Variants in LRRC28 observed in about 807,000 individuals in gnomAD.
LRRC28 encodes leucine-rich repeat-containing protein 28.
A neutral mutation model predicts 45.7 loss-of-function variants in LRRC28; 39 were observed. That is an observed-to-expected ratio of 0.85 (90% CI 0.66 to 1.12). LRRC28 has a LOEUF of 1.12. Among genes scored for constraint, LRRC28 ranks in the 50% most tolerant of loss-of-function variants. The probability of loss-of-function intolerance (pLI) is 0.00; values close to 1 mark genes in which losing one functional copy is unlikely to be tolerated. For synonymous variants in LRRC28, 206 were observed against 178.8 expected (o/e 1.15, Z -1.22); for missense variants, 435 against 438.5 (o/e 0.99, Z 0.07).
chr15:99,269,782 C>G (rs995226239), intron 2 of LRRC28, among the ~76,000 whole-genome samples: 3 of 152,160 alleles, frequency 2.0e-5, no homozygotes, highest in African/African-American at 7.2e-5. Flanking sequence ...GCTTCATAGC[C>G]ACATGTGGCT....
chr15:99,261,628 T>C (rs527375755), intron 2 of LRRC28, among the ~76,000 whole-genome samples: 2 of 152,096 alleles, frequency 1.3e-5, no homozygotes, highest in Non-Finnish European at 2.9e-5. Flanking sequence ...CCCACCTCTT[T>C]TATTAATTTT....
At chr15:99,343,860 G>A (rs767654134) in intron 6 of LRRC28, among the ~76,000 whole-genome samples, 5 of 152,134 alleles carry the variant, frequency 3.3e-5, no homozygotes, top group African/African-American at 4.8e-5. Flanking sequence ...GTACACGTTC[G>A]TATTTCAGCC....
intron 3 of LRRC28, chr15:99,285,558 AG>A (rs1347109025): frequency 1.1e-6 from 1 of 944,534 alleles, no homozygotes; most frequent in Non-Finnish European, 1.6e-6. Context: ...CGGGCTCTTT[AG>A]GAGACTGACT....
chr15:99,261,819 G>A lies in LRRC28; in HGVS notation c.168+5694G>A, dbSNP rs28405712. ...ACTACAGGCATGCACCACCACGCCC[G>A]GCTAATTTTGTATTTTTAGTAGAGA... On this transcript the variant is annotated intron_variant, in intron 2 of 9. Transcript: ENST00000301981. Among the ~76,000 whole-genome samples the A allele has an allele frequency of 2.5e-3, 382 of 151,952 alleles. 5 individuals are homozygous for A. Among genetic ancestry groups the A allele is most frequent in the African/African-American group, 8.5e-3 (353 of 41,482 alleles).
chr15:99,369,262 T>A (rs146715777), intron 9 of LRRC28, among the ~76,000 whole-genome samples: 204 of 152,274 alleles, frequency 1.3e-3, no homozygotes, highest in African/African-American at 4.0e-3. Flanking sequence ...TTTCTATCAC[T>A]CACCTCAAAA....
Position 99,388,511 on chromosome 15 carries a change from G to C in LRRC28, c.*2409G>C, listed in dbSNP as rs1958095947. Reference sequence around the variant, plus strand: ...TACAGCACCTGAACTTAATTGATGAGAAGTGGAACTTAAGTGGTTTCCCTG... The same window carrying C: ...TACAGCACCTGAACTTAATTGATGACAAGTGGAACTTAAGTGGTTTCCCTG... On this transcript the variant is annotated 3_prime_UTR_variant, in exon 10 of 10. Coordinates refer to ENST00000301981, the MANE Select transcript of LRRC28 (RefSeq NM_144598.5). The C allele has an allele frequency of 6.6e-6, 1 of 152,232 alleles. No individual in the cohort carries two copies. The highest frequency in any genetic ancestry group is 2.1e-4 in the South Asian group (1 of 4,828). 9.4% of individuals were successfully genotyped at this position (152,232 alleles called of 1,614,324 possible). A position where few individuals can be genotyped will look rare whatever the true frequency, so the allele number is the denominator to read the frequency against.
intron 9 of LRRC28, among the ~76,000 whole-genome samples, chr15:99,375,544 T>C (rs1347369550): frequency 6.6e-6 from 1 of 152,234 alleles, no homozygotes; most frequent in East Asian, 1.9e-4. Flanking sequence ...GTAAAACTTT[T>C]CAAAAATTTA....
chr15:99,316,244 A>G (rs1364284159), intron 5 of LRRC28, among the ~76,000 whole-genome samples: 1 of 152,224 alleles, frequency 6.6e-6, no homozygotes, highest in Non-Finnish European at 1.5e-5. Flanking sequence ...TTTGTTATAT[A>G]TACTACTTAT....
intron 3 of LRRC28, chr15:99,286,589 T>C (rs532896737): frequency 6.6e-6 from 1 of 152,376 alleles, no homozygotes; most frequent in East Asian, 1.9e-4. Flanking sequence ...TGGTTACTGA[T>C]TGCAGGAAGT....
chr15:99,360,199 C>T (rs145321936), intron 7 of LRRC28, among the ~76,000 whole-genome samples: 5 of 152,246 alleles, frequency 3.3e-5, no homozygotes, highest in South Asian at 2.1e-4. Context: ...GAAACCAAGA[C>T]GTAGCCATAT....
chr15:99,322,591 T>C (rs1408901066), intron 5 of LRRC28, among the ~76,000 whole-genome samples: 1 of 152,198 alleles, frequency 6.6e-6, no homozygotes, highest in Non-Finnish European at 1.5e-5. Flanking sequence ...TAAGGGTATG[T>C]TCTTTGCTTT....
At chr15:99,372,168 CAT>C (rs1957502264) in intron 9 of LRRC28, among the ~76,000 whole-genome samples, 2 of 152,256 alleles carry the variant, frequency 1.3e-5, no homozygotes, top group African/African-American at 2.4e-5. Flanking sequence ...AATCAGGAAA[CAT>C]ATTTGCAGAA....
intron 2 of LRRC28, among the ~76,000 whole-genome samples, chr15:99,275,704 GCT>G (rs1006092528): frequency 5.3e-5 from 8 of 152,200 alleles, no homozygotes; most frequent in Non-Finnish European, 1.0e-4. Flanking sequence ...GTTTCTCCTT[GCT>G]GGGAGTGGCC....
rs577641711 is a variant in LRRC28 at position 99,262,110 on chromosome 15, A to G, written c.168+5985A>G. ...TTTATTTATATTTTTCCTTTTTAAT[A>G]ACAAAAAATCATACATATTTCTCTG... On this transcript the variant is annotated intron_variant, in intron 2 of 9. Transcript: ENST00000301981. Among the ~76,000 whole-genome samples the G allele has an allele frequency of 4.6e-5, 7 of 152,252 alleles. No homozygotes were observed. The East Asian group carries it at 1.3e-3, about 29-fold the overall frequency.
In LRRC28 at chr15:99,355,371, A is replaced by G. The variant is rs554725851; in HGVS notation, c.695+2900A>G. On this transcript the variant is annotated intron_variant, in intron 7 of 9. Coordinates refer to ENST00000301981, the MANE Select transcript of LRRC28 (RefSeq NM_144598.5). ...TTATAACCTAGCTTCAAAGCCACAC[A>G]CTGTTGTTTCTGTTATATCCTGTTG... is the stretch of plus-strand genomic sequence containing the variant. The G allele has an allele frequency of 4.6e-5, 7 of 152,306 alleles. No individual in the cohort carries two copies. The South Asian group carries it at 1.2e-3, about 27-fold the overall frequency. The allele number at this position is 152,306 out of a possible 1,614,324, so 9.4% of individuals were successfully genotyped here.
chr15:99,355,569 G>A (rs888493561), intron 7 of LRRC28: 20 of 152,048 alleles, frequency 1.3e-4, no homozygotes, highest in Admixed American at 8.5e-4. Context: ...GGTTTTTCTT[G>A]TTATTACAGG....
At chr15:99,318,163 CAG>C (rs1660828329) in intron 5 of LRRC28, among the ~76,000 whole-genome samples, 1 of 152,070 alleles carries the variant, frequency 6.6e-6, no homozygotes, top group Non-Finnish European at 1.5e-5. Context: ...TTTATAATGA[CAG>C]AACTTGTGAG....
At chr15:99,341,387 C>A (rs1395115323) in intron 6 of LRRC28, among the ~76,000 whole-genome samples, 4 of 152,220 alleles carry the variant, frequency 2.6e-5, no homozygotes, top group East Asian at 1.9e-4. Context: ...CCACCGCGCC[C>A]GGCCTGTTCT....
At chr15:99,265,295 A>G (rs2081302623) in intron 2 of LRRC28, among the ~76,000 whole-genome samples, 2 of 152,172 alleles carry the variant, frequency 1.3e-5, no homozygotes, top group South Asian at 4.1e-4. Context: ...AAGGAGGTTT[A>G]GGATTTGGCC....
Sources: allele counts gnomAD v4.1 joint callset (sites outside exome capture counted in the v4.1 genomes callset), GRCh38; gene constraint gnomAD v4.1.1; transcripts MANE v1.5; gene names NCBI Gene and HGNC (gene_info 2026-07-23, HGNC 2026-07-21).